Variants in HPCAL1 observed in about 807,000 individuals in gnomAD.
HPCAL1 encodes the protein hippocalcin like 1.
In HPCAL1, 8 loss-of-function variants were observed where a neutral mutation model predicts 17.1. The observed-to-expected ratio is 0.47, with a 90% confidence interval of 0.27 to 0.84. HPCAL1 has a LOEUF of 0.84. Among genes scored for constraint, HPCAL1 ranks in the 40% least tolerant of loss-of-function variants. HPCAL1 has a pLI of 0.13. For missense variants in HPCAL1, 165 were observed against 271.1 expected (o/e 0.61, Z 2.75); for synonymous variants, 112 against 111.4 (o/e 1.01, Z -0.03).
chr2:10,418,806 C>T (rs567669211), intron 2 of HPCAL1, among the ~76,000 whole-genome samples: 7 of 152,298 alleles, frequency 4.6e-5, no homozygotes, highest in Admixed American at 3.3e-4. Context: ...AGAGCAGTTC[C>T]TCGTTCCCAC....
At chr2:10,385,690 G>A (rs989060548) in intron 1 of HPCAL1, among the ~76,000 whole-genome samples, 5 of 152,156 alleles carry the variant, frequency 3.3e-5, no homozygotes, top group Admixed American at 1.3e-4. Context: ...TTTGTGGCGC[G>A]ACGGCTGCTG....
At position 10,304,974 on chromosome 2, in the gene HPCAL1, T is replaced by C. The variant is rs1662527017; in HGVS notation, c.-111+1797T>C. Among the ~76,000 whole-genome samples the C allele has an allele frequency of 6.6e-6, 1 of 152,164 alleles. No individual in the cohort carries two copies. The highest frequency in any genetic ancestry group is 2.1e-4 in the South Asian group (1 of 4,830). On this transcript the variant is annotated intron_variant, in intron 1 of 4. Transcript: ENST00000307845. The surrounding 1 kb of genome is among the most constrained non-coding windows in gnomAD (Gnocchi z 4.1). The stretch of plus-strand genomic sequence containing the variant: ...AGAGGCGGGCTGCTTTGCGGGCTTT[T>C]AGGAGCCAGGGATAGAAACCTGGTC...
intron 3 of HPCAL1, 75 bp from the exon 4 acceptor site, chr2:10,422,908 G>A: frequency 9.6e-7 from 1 of 1,042,758 alleles, no homozygotes; most frequent in East Asian, 2.5e-5. Flanking sequence ...TTGTGGGCTG[G>A]GCGGAAGCCC....
rs1662485560 is a variant in HPCAL1 at position 10,304,446 on chromosome 2, G to A, written c.-111+1269G>A. ...CCACCAGAGGAGGATGTTTGCCAGGGACGCCGAGTCCAGCTGCTGGCCTCG... is the reference window on the plus strand; with the variant it reads ...CCACCAGAGGAGGATGTTTGCCAGGAACGCCGAGTCCAGCTGCTGGCCTCG... On this transcript the variant is annotated intron_variant, in intron 1 of 4. Coordinates refer to ENST00000307845, the MANE Select transcript of HPCAL1 (RefSeq NM_002149.4). The surrounding 1 kb of genome is among the most constrained non-coding windows in gnomAD (Gnocchi z 4.1). 7.0e-6 allele frequency among the ~76,000 whole-genome samples: 1 copy of A among 143,674 alleles called. No homozygotes were observed. Among genetic ancestry groups the A allele is most frequent in the Non-Finnish European group, 1.5e-5 (1 of 65,344 alleles). The allele number at this position is 143,674 out of a possible 152,430, so 94.3% of individuals were successfully genotyped here.
chr2:10,327,126 G>A (rs567739522), intron 1 of HPCAL1, among the ~76,000 whole-genome samples: 1 of 152,324 alleles, frequency 6.6e-6, no homozygotes, highest in South Asian at 2.1e-4. Flanking sequence ...TCCTAAGGAA[G>A]TGAGCCTGTG....
chr2:10,305,020 G>A (rs1192795934), intron 1 of HPCAL1, among the ~76,000 whole-genome samples: 13 of 152,102 alleles, frequency 8.5e-5, no homozygotes, highest in Non-Finnish European at 1.2e-4. Flanking sequence ...GGTTTCCCTC[G>A]GCCGAGACTG....
chr2:10,381,935 T>TA (rs1667963215), intron 1 of HPCAL1, among the ~76,000 whole-genome samples: 2 of 152,200 alleles, frequency 1.3e-5, no homozygotes, highest in Admixed American at 6.5e-5. Context: ...CCAGAGGAGT[T>TA]AAAAAAACTT....
chr2:10,312,979 G>A (rs759505402), intron 1 of HPCAL1, among the ~76,000 whole-genome samples: 6 of 152,142 alleles, frequency 3.9e-5, no homozygotes, highest in African/African-American at 4.8e-5. Flanking sequence ...GCTTTGGGTC[G>A]TGCTTGACAT....
intron 2 of HPCAL1, among the ~76,000 whole-genome samples, chr2:10,408,177 C>T (rs1670091328): frequency 6.6e-6 from 1 of 152,198 alleles, no homozygotes; most frequent in East Asian, 1.9e-4. Context: ...TCCTTCTCAC[C>T]AGCTTCATTT....
chr2:10,325,169 A>G lies in HPCAL1; in HGVS notation c.-111+21992A>G, dbSNP rs1663929611. ...TTAGTTGGTTTTTGATTTTAGAGAG[A>G]GGGTCTCGCTCTGTGGCCCAGGCTG... On this transcript the variant is annotated intron_variant, in intron 1 of 4. Transcript: ENST00000307845. Among the ~76,000 whole-genome samples the G allele has an allele frequency of 2.0e-5, 3 of 151,738 alleles. No individual in the cohort carries two copies. In the South Asian group the frequency reaches 6.3e-4, roughly 32 times the overall value.
At position 10,303,071 on chromosome 2, in the gene HPCAL1, C is replaced by T. The variant is rs930210877; in HGVS notation, c.-217C>T. On this transcript the variant is annotated 5_prime_UTR_variant, in exon 1 of 5. Coordinates refer to ENST00000307845, the MANE Select transcript of HPCAL1 (RefSeq NM_002149.4). ...GGCCCGCGCTGCTAGTCACTCCTCC[C>T]GGCCTCGGCGCGCTTGTCCCGGGCA... is the stretch of plus-strand genomic sequence containing the variant. 1 of 151,894 alleles carries T rather than the reference C, an allele frequency of 6.6e-6. No homozygotes were observed. Among genetic ancestry groups the T allele is most frequent in the Non-Finnish European group, 1.5e-5 (1 of 67,938 alleles). The allele number at this position is 151,894 out of a possible 1,614,324, so 9.4% of individuals were successfully genotyped here.
In HPCAL1 at chr2:10,373,556, T is replaced by A. The variant is rs887973; in HGVS notation, c.-110-23279T>A. The stretch of plus-strand genomic sequence containing the variant: ...TCAGGATAGATGATATCAGACACAA[T>A]GTCCCCTGGGCTGAGGTTTTTTTTT... On this transcript the variant is annotated intron_variant, in intron 1 of 4. Coordinates refer to ENST00000307845, the MANE Select transcript of HPCAL1 (RefSeq NM_002149.4). Among the ~76,000 whole-genome samples, 12 of 152,132 alleles carry A rather than the reference T, an allele frequency of 7.9e-5. No homozygotes were observed. The East Asian group carries it at 2.1e-3, about 27-fold the overall frequency.
intron 2 of HPCAL1, among the ~76,000 whole-genome samples, chr2:10,408,227 A>G (rs1670095390): frequency 6.6e-6 from 1 of 152,050 alleles, no homozygotes; most frequent in Non-Finnish European, 1.5e-5. Flanking sequence ...AGAAGGAGAG[A>G]TTGGTAGAGG....
intron 1 of HPCAL1, among the ~76,000 whole-genome samples, chr2:10,319,086 ATCATTGTCGTCC>A (rs892891413): frequency 1.3e-5 from 2 of 152,152 alleles, no homozygotes; most frequent in African/African-American, 4.8e-5. Context: ...CATCATCAAC[ATCATTGTCGTCC>A]TCATCGTGAG....
At chr2:10,339,021 A>G (rs896804410) in intron 1 of HPCAL1, among the ~76,000 whole-genome samples, 13 of 152,206 alleles carry the variant, frequency 8.5e-5, no homozygotes, top group African/African-American at 2.9e-4. Flanking sequence ...TGTGGCTGCC[A>G]TGTGTTTGCC....
At chr2:10,409,404 C>G (rs998278900) in intron 2 of HPCAL1, among the ~76,000 whole-genome samples, 6 of 152,198 alleles carry the variant, frequency 3.9e-5, no homozygotes, top group Non-Finnish European at 5.9e-5. Context: ...CCGCAATCAC[C>G]CAGGGGCAAA....
rs1199701666 is a variant in HPCAL1, at chr2:10,362,964, G to C, written c.-110-33871G>C. Among the ~76,000 whole-genome samples, 1 of 152,154 alleles carries C rather than the reference G, an allele frequency of 6.6e-6. No homozygotes were observed. The highest frequency in any genetic ancestry group is 1.5e-5 in the Non-Finnish European group (1 of 68,034). ...TTTTCCCAGAGTCACACAGCTAGGTGCCCCTTTGATGGTTCTCTCAGTGAC... is the reference window on the plus strand; with the variant it reads ...TTTTCCCAGAGTCACACAGCTAGGTCCCCCTTTGATGGTTCTCTCAGTGAC... On this transcript the variant is annotated intron_variant, in intron 1 of 4. Transcript: ENST00000307845. The surrounding 1 kb of genome is among the most constrained non-coding windows in gnomAD (Gnocchi z 5.0).
intron 1 of HPCAL1, among the ~76,000 whole-genome samples, chr2:10,311,909 C>T (rs1662986370): frequency 6.6e-6 from 1 of 151,130 alleles, no homozygotes; most frequent in Non-Finnish European, 1.5e-5. Context: ...TCGCTATCAT[C>T]ATCATCATTC....
chr2:10,419,967 C>A lies in HPCAL1; in HGVS notation c.210C>A (p.Arg70=), dbSNP rs1558534687. ...CCAAGTTCGCCGAGCACGTCTTCCG[C>A]ACCTTCGACACCAACGGCGACGGCA... ...DASKFAEHVF[R]TFDTNGDGTI... The change falls in exon 3 of 5, where the codon CGC becomes CGA. Residue 70 remains arginine, a synonymous_variant. Coordinates refer to ENST00000307845, the MANE Select transcript of HPCAL1 (RefSeq NM_002149.4). The surrounding 1 kb of genome is among the most constrained non-coding windows in gnomAD (Gnocchi z 5.0). 3.1e-6 allele frequency: 5 copies of A among 1,613,904 alleles called. No individual in the cohort carries two copies. Among genetic ancestry groups the A allele is most frequent in the Non-Finnish European group, 4.2e-6 (5 of 1,180,036 alleles).
Sources: allele counts gnomAD v4.1 joint callset (sites outside exome capture counted in the v4.1 genomes callset), GRCh38; gene constraint gnomAD v4.1.1; non-coding constraint Gnocchi (gnomAD v3.1); transcripts MANE v1.5; gene names NCBI Gene and HGNC (gene_info 2026-07-23, HGNC 2026-07-21).